TMEM184A: variants seen among roughly 807,000 people sequenced by gnomAD.
The protein encoded by TMEM184A is transmembrane protein 184A.
TMEM184A carries 40 observed loss-of-function variants against 39.5 expected under a neutral mutation model. That is an observed-to-expected ratio of 1.01 (90% CI 0.79 to 1.32). The LOEUF is 1.32. Among genes scored for constraint, TMEM184A ranks in the 40% most tolerant of loss-of-function variants. The probability of loss-of-function intolerance (pLI) is 0.00; values close to 1 mark genes in which losing one functional copy is unlikely to be tolerated. For synonymous variants in TMEM184A, 280 were observed against 252.3 expected (o/e 1.11, Z -1.04); for missense variants, 603 against 568.8 (o/e 1.06, Z -0.61).
At chr7:1,550,225 C>T (rs575171627) in intron 4 of TMEM184A, 27 bp from the exon 5 acceptor site, 19 of 1,604,826 alleles carry the variant, frequency 1.2e-5, no homozygotes, top group African/African-American at 1.1e-4. Flanking sequence ...TGAGCCGGTG[C>T]GGGAGAATGC....
intron 6 of TMEM184A, chr7:1,549,146 C>T: frequency 2.2e-6 from 1 of 462,164 alleles, no homozygotes; most frequent in Non-Finnish European, 4.3e-6. Context: ...TGTGTGTGCA[C>T]ATATTGCGTG....
In TMEM184A at chr7:1,550,574, C is replaced by T. The variant is rs577507247; in HGVS notation, c.386-179G>A. Reference sequence around the variant, plus strand: ...GCAGCCTGAGAGGGTCAGGGTGCTCCATCAGGGCCCTGCTTTCACCCCAGG... The same window carrying T: ...GCAGCCTGAGAGGGTCAGGGTGCTCTATCAGGGCCCTGCTTTCACCCCAGG... On this transcript the variant is annotated intron_variant, in intron 3 of 8. Transcript: ENST00000297477. Among the ~76,000 whole-genome samples the T allele has an allele frequency of 5.3e-5, 8 of 152,132 alleles. No homozygotes were observed. The South Asian group carries it at 6.2e-4, about 12-fold the overall frequency.
At chr7:1,549,326 G>A in intron 6 of TMEM184A, 1 of 410,134 alleles carries the variant, frequency 2.4e-6, no homozygotes, top group Non-Finnish European at 5.0e-6. Flanking sequence ...ACCTTCGCAG[G>A]GGTCCAAGGG....
chr7:1,546,946 GC>G lies in TMEM184A; in HGVS notation c.*5del. 6.5e-7 allele frequency: 1 copy of G among 1,540,986 alleles called. No individual in the cohort carries two copies. ...GGTCCCTACAGCACTGGCAGCCCAG[GC>G]CCCCCTACAGGTCCTCCGAGGGGAT... is the stretch of plus-strand genomic sequence containing the variant. On this transcript the variant is annotated 3_prime_UTR_variant, in exon 9 of 9. Coordinates refer to ENST00000297477, the MANE Select transcript of TMEM184A (RefSeq NM_001097620.2).
Position 1,547,085 on chromosome 7 carries a change from G to T in TMEM184A, c.1109C>A (p.Ala370Asp). 6.2e-7 allele frequency: 1 copy of T among 1,610,458 alleles called. No homozygotes were observed. Among genetic ancestry groups the T allele is most frequent in the Non-Finnish European group, 8.5e-7 (1 of 1,179,718 alleles). The change falls in exon 9 of 9, where the codon GCC (alanine) becomes GAC (aspartate). Residue 370 changes from alanine to aspartate, a missense_variant. Coordinates refer to ENST00000297477, the MANE Select transcript of TMEM184A (RefSeq NM_001097620.2). ...VQDAIHNFSP[A>D]YQHYTQQATH... ...GGCCTGCTGCGTGTAGTGCTGGTAG[G>T]CGGGGGAGAAGTTGTGGATGGCGTC...
chr7:1,555,541 CGGCAGCAGGA>C lies in TMEM184A; in HGVS notation c.1-67_1-58del. 7.1e-7 allele frequency: 1 copy of C among 1,403,942 alleles called. No individual in the cohort carries two copies. Among genetic ancestry groups the C allele is most frequent in the South Asian group, 1.1e-5 (1 of 87,080 alleles). The allele number at this position is 1,403,942 out of a possible 1,614,324, so 87.0% of individuals were successfully genotyped here. ...GAGTGAGGGCAAAGGTACTGGCTCCCGGCAGCAGGAAGCAGCGGGGGAGGGAGGAGACAGT... is the reference window on the plus strand; with the variant it reads ...GAGTGAGGGCAAAGGTACTGGCTCCCAGCAGCGGGGGAGGGAGGAGACAGT... On this transcript the variant is annotated intron_variant, in intron 1 of 8. Transcript: ENST00000297477. This position sits in a 1 kb window ranked among gnomAD's most constrained non-coding sequence, Gnocchi z 5.2.
In TMEM184A at chr7:1,546,968, G is replaced by A; in HGVS notation, c.1226C>T (p.Pro409Leu). Reference protein sequence around the residue: ...SRSLEKRMLIPSEDL With the variant: ...SRSLEKRMLILSEDL Reference sequence around the variant, plus strand: ...CAGGCCCCCCTACAGGTCCTCCGAGGGGATCAGCATCCGCTTCTCCAGGCT... The same window carrying A: ...CAGGCCCCCCTACAGGTCCTCCGAGAGGATCAGCATCCGCTTCTCCAGGCT... Residue 409 changes from proline to leucine, a missense_variant, in exon 9 of 9, where the codon CCC (proline) becomes CTC (leucine). Pro to Leu is a moderately conservative substitution (Grantham distance 98). Coordinates refer to ENST00000297477, the MANE Select transcript of TMEM184A (RefSeq NM_001097620.2). 6.3e-6 allele frequency: 10 copies of A among 1,588,442 alleles called. No homozygotes were observed. The highest frequency in any genetic ancestry group is 8.5e-6 in the Non-Finnish European group (10 of 1,173,520).
chr7:1,549,014 G>A (rs1011098229), intron 6 of TMEM184A: 77 of 539,818 alleles, frequency 1.4e-4, no homozygotes, highest in African/African-American at 1.2e-3. Context: ...TCCCAACCCC[G>A]TCCACCTGGC....
chr7:1,550,260 G>A, intron 4 of TMEM184A, 45 bp downstream of exon 4: 1 of 1,609,128 alleles, frequency 6.2e-7, no homozygotes, highest in Non-Finnish European at 8.5e-7. Flanking sequence ...CGGGCTCCCT[G>A]TCCCAGGTGT....
intron 7 of TMEM184A, 96 bp downstream of exon 7, chr7:1,548,423 A>T: frequency 7.2e-7 from 1 of 1,384,770 alleles, no homozygotes. Context: ...AAACTGAAGC[A>T]CGTGGGGGCT....
At position 1,547,053 on chromosome 7, in the gene TMEM184A, C is replaced by A; in HGVS notation, c.1141G>T (p.Glu381Ter). 1.2e-6 allele frequency: 2 copies of A among 1,608,624 alleles called. No homozygotes were observed. Among genetic ancestry groups the A allele is most frequent in the Non-Finnish European group, 1.7e-6 (2 of 1,179,544 alleles). ...YQHYTQQATHEAPRPGTHPSG... is the reference protein window; with the variant it reads ...YQHYTQQATH Reference sequence around the variant, plus strand: ...GGGTGGGTGCCGGGCCTGGGCGCCTCGTGCGTGGCCTGCTGCGTGTAGTGC... The same window carrying A: ...GGGTGGGTGCCGGGCCTGGGCGCCTAGTGCGTGGCCTGCTGCGTGTAGTGC... The change falls in exon 9 of 9, where the codon GAG becomes TAG. Residue 381 changes from glutamate (E) to a stop codon, truncating the protein, a stop_gained. Coordinates refer to ENST00000297477, the MANE Select transcript of TMEM184A (RefSeq NM_001097620.2). LOFTEE classifies it low-confidence loss of function (END_TRUNC).
At position 1,548,554 on chromosome 7, in the gene TMEM184A, G is replaced by A. The variant is rs1217916690; in HGVS notation, c.779C>T (p.Thr260Ile). Residue 260 changes from threonine to isoleucine, a missense_variant, in exon 7 of 9, where the codon ACC (threonine) becomes ATC (isoleucine). Thr to Ile is a moderately conservative substitution (Grantham distance 89, BLOSUM62 -1). Coordinates refer to ENST00000297477, the MANE Select transcript of TMEM184A (RefSeq NM_001097620.2). ...CGACAGGAAGATGACGGCTTTGATG[G>A]TGAGGAACTTGAGGACGGGCTGGAA... ...RPFQPVLKFL[T>I]IKAVIFLSFW... The A allele has an allele frequency of 1.2e-6, 2 of 1,613,604 alleles. No individual in the cohort carries two copies. The highest frequency in any genetic ancestry group is 1.3e-5 in the African/African-American group (1 of 74,916).
Position 1,555,306 on chromosome 7 carries a change from C to CCCGAGACG in TMEM184A, c.171_178dup (p.Gly60AlafsTer80). The CCCGAGACG allele has an allele frequency of 6.2e-7, 1 of 1,607,588 alleles. No individual in the cohort carries two copies. The highest frequency in any genetic ancestry group is 8.5e-7 in the Non-Finnish European group (1 of 1,177,144). On this transcript the variant is annotated frameshift_variant, in exon 2 of 9. Transcript: ENST00000297477. LOFTEE classifies it high-confidence loss of function. The surrounding 1 kb of genome is among the most constrained non-coding windows in gnomAD (Gnocchi z 5.2). ...CACCAGGGCAGTCCACACGAAGATC[C>CCCGAGACG]CCGAGACGCCTCGGGCCAGTGCGGA...
At chr7:1,548,383 G>C in intron 7 of TMEM184A, 136 bp downstream of exon 7, 2 of 1,073,010 alleles carry the variant, frequency 1.9e-6, no homozygotes, top group Non-Finnish European at 2.7e-6. Flanking sequence ...TTCTACCCTG[G>C]CTTCCAGCTG....
chr7:1,553,489 A>G (rs779141923), intron 2 of TMEM184A, among the ~76,000 whole-genome samples: 1 of 152,084 alleles, frequency 6.6e-6, no homozygotes, highest in Non-Finnish European at 1.5e-5. Context: ...CAACTCAACT[A>G]CAGGGTCTTT....
chr7:1,555,895 G>C lies in TMEM184A; in HGVS notation c.-1+219C>G. 1 of 268,516 alleles carries C rather than the reference G, an allele frequency of 3.7e-6. No individual in the cohort carries two copies. Among genetic ancestry groups the C allele is most frequent in the Admixed American group, 5.6e-5 (1 of 17,748 alleles). The allele number at this position is 268,516 out of a possible 1,614,324, so 16.6% of individuals were successfully genotyped here. A position where few individuals can be genotyped will look rare whatever the true frequency, so the allele number is the denominator to read the frequency against. On this transcript the variant is annotated intron_variant, in intron 1 of 8. Transcript: ENST00000297477. This position sits in a 1 kb window ranked among gnomAD's most constrained non-coding sequence, Gnocchi z 5.2. ...AGCACTGCCTGCCCCGGCAGGAGGG[G>C]GTGTGCAGCCACCCTCATGGGAGGA...
Position 1,544,952 on chromosome 7 carries a change from T to A in TMEM184A, c.*2000A>T, listed in dbSNP as rs1046019665. 1 of 152,246 alleles carries A rather than the reference T, an allele frequency of 6.6e-6. No homozygotes were observed. Among genetic ancestry groups the A allele is most frequent in the Non-Finnish European group, 1.5e-5 (1 of 68,060 alleles). The allele number at this position is 152,246 out of a possible 1,614,324, so 9.4% of individuals were successfully genotyped here. A position where few individuals can be genotyped will look rare whatever the true frequency, so the allele number is the denominator to read the frequency against. ...GTGCAGGCCTGAGGTGTTGCTGACA[T>A]AGGGGCTCAGCCCCTGACACCTCAG... is the stretch of plus-strand genomic sequence containing the variant. On this transcript the variant is annotated 3_prime_UTR_variant, in exon 9 of 9. Transcript: ENST00000297477.
chr7:1,548,035 G>A, intron 7 of TMEM184A, 96 bp from the exon 8 acceptor site: 1 of 1,360,822 alleles, frequency 7.3e-7, no homozygotes. Flanking sequence ...GACGGGTGCT[G>A]TGACCCCGTC....
At chr7:1,551,673 A>T (rs1784606235) in intron 2 of TMEM184A, among the ~76,000 whole-genome samples, 1 of 152,172 alleles carries the variant, frequency 6.6e-6, no homozygotes, top group South Asian at 2.1e-4. Flanking sequence ...GCAGTGGCTC[A>T]CACCTATAAT....
Sources: gnomAD v4.1 joint callset for allele counts (sites outside exome capture counted in the v4.1 genomes callset) on GRCh38, gnomAD v4.1.1 for gene constraint, Gnocchi (gnomAD v3.1) non-coding constraint, MANE v1.5 for transcripts, NCBI Gene and HGNC (gene_info 2026-07-23, HGNC 2026-07-21) for gene names.